B3GALT1: variants seen among roughly 807,000 people sequenced by gnomAD.
B3GALT1 encodes beta-1,3-galactosyltransferase 1.
In B3GALT1, 10 loss-of-function variants were observed where a neutral mutation model predicts 23.2. The observed-to-expected ratio is 0.43, with a 90% confidence interval of 0.27 to 0.73. The LOEUF is 0.73. B3GALT1 is among the 30% of genes least tolerant of loss of function. B3GALT1 has a pLI of 0.21. For synonymous variants in B3GALT1, 156 were observed against 141.5 expected (o/e 1.10, Z -0.73); for missense variants, 299 against 405.4 (o/e 0.74, Z 2.25).
chr2:167,386,755 T>C (rs762988502), intron 1 of B3GALT1, among the ~76,000 whole-genome samples: 3 of 152,212 alleles, frequency 2.0e-5, no homozygotes, highest in South Asian at 2.1e-4. Flanking sequence ...TTACATCTTA[T>C]TGTAAAGTAT....
intron 3 of B3GALT1, among the ~76,000 whole-genome samples, chr2:167,788,652 C>T: frequency 6.6e-6 from 1 of 152,028 alleles, no homozygotes; most frequent in South Asian, 2.1e-4. Context: ...TCACTCCTTG[C>T]CCACCACTCA....
chr2:167,708,921 T>C (rs12614397), intron 3 of B3GALT1, among the ~76,000 whole-genome samples: 1 of 150,826 alleles, frequency 6.6e-6, no homozygotes, highest in African/African-American at 2.5e-5. Flanking sequence ...AATATTACTG[T>C]CTATTTTGCT....
At chr2:167,666,820 C>T (rs1349600200) in intron 3 of B3GALT1, among the ~76,000 whole-genome samples, 1 of 152,118 alleles carries the variant, frequency 6.6e-6, no homozygotes, top group Admixed American at 6.5e-5. Flanking sequence ...TTCCTCCATC[C>T]TTTTATTTTG....
chr2:167,589,193 A>G (rs1684632567), intron 2 of B3GALT1, among the ~76,000 whole-genome samples: 1 of 151,970 alleles, frequency 6.6e-6, no homozygotes, highest in Non-Finnish European at 1.5e-5. Flanking sequence ...CAATCCTCCC[A>G]TTGCAGCCTC....
intron 3 of B3GALT1, among the ~76,000 whole-genome samples, chr2:167,756,581 C>G (rs919376315): frequency 2.0e-5 from 3 of 152,086 alleles, no homozygotes; most frequent in African/African-American, 7.2e-5. Flanking sequence ...CTGTAGCTAC[C>G]CGGGGAATGG....
At chr2:167,457,141 C>G (rs1008629838) in intron 1 of B3GALT1, among the ~76,000 whole-genome samples, 1 of 151,998 alleles carries the variant, frequency 6.6e-6, no homozygotes, top group African/African-American at 2.4e-5. Flanking sequence ...ATATAGGTTT[C>G]TTGTTTATCA....
At chr2:167,512,387 G>A (rs1486342530) in intron 2 of B3GALT1, among the ~76,000 whole-genome samples, 1 of 150,360 alleles carries the variant, frequency 6.7e-6, no homozygotes. Context: ...ATAATAAAAT[G>A]TATTGAATGA....
chr2:167,623,348 C>G (rs1376490039), intron 2 of B3GALT1, among the ~76,000 whole-genome samples: 1 of 151,974 alleles, frequency 6.6e-6, no homozygotes, highest in East Asian at 1.9e-4. Context: ...TGACTTAGAA[C>G]CAACCCAAAT....
At chr2:167,692,047 A>G (rs576606208) in intron 3 of B3GALT1, among the ~76,000 whole-genome samples, 1 of 152,178 alleles carries the variant, frequency 6.6e-6, no homozygotes, top group African/African-American at 2.4e-5. Context: ...AATAAAACCC[A>G]TTGCTGCTCA....
chr2:167,846,492 C>T (rs948738131), intron 4 of B3GALT1, among the ~76,000 whole-genome samples: 3 of 152,044 alleles, frequency 2.0e-5, no homozygotes, highest in East Asian at 3.9e-4. Flanking sequence ...TTGTATCTAG[C>T]GAAACTAAGC....
chr2:167,331,863 G>A (rs918071679), intron 1 of B3GALT1, among the ~76,000 whole-genome samples: 8 of 152,166 alleles, frequency 5.3e-5, no homozygotes, highest in African/African-American at 1.7e-4. Flanking sequence ...AGCCATAGGC[G>A]GGTGGCTTCC....
chr2:167,526,404 A>G (rs13383478), intron 2 of B3GALT1, among the ~76,000 whole-genome samples: 82,975 of 152,006 alleles, frequency 0.55, 25,377 homozygotes, highest in East Asian at 0.99. Context: ...ATTCAACCCC[A>G]CAACAAACAT....
At chr2:167,806,896 G>C (rs923591702) in intron 3 of B3GALT1, among the ~76,000 whole-genome samples, 26 of 152,198 alleles carry the variant, frequency 1.7e-4, no homozygotes, top group Non-Finnish European at 3.5e-4. Flanking sequence ...AATGGTACCA[G>C]CTCCTCCTTG....
chr2:167,696,663 A>T (rs1686796572), intron 3 of B3GALT1, among the ~76,000 whole-genome samples: 1 of 152,216 alleles, frequency 6.6e-6, no homozygotes. Context: ...TGGTCAAATT[A>T]TATCCGAACA....
At chr2:167,663,423 G>T (rs140911458) in intron 3 of B3GALT1, among the ~76,000 whole-genome samples, 11 of 151,418 alleles carry the variant, frequency 7.3e-5, no homozygotes, top group African/African-American at 2.7e-4. Context: ...ATAAACATAC[G>T]TGTGCATGTG....
At chr2:167,348,179 ATATTAT>A (rs1352112327) in intron 1 of B3GALT1, among the ~76,000 whole-genome samples, 3 of 152,170 alleles carry the variant, frequency 2.0e-5, no homozygotes, top group Admixed American at 6.5e-5. Flanking sequence ...AACCCTTAAA[ATATTAT>A]TATTAAAACA....
intron 2 of B3GALT1, among the ~76,000 whole-genome samples, chr2:167,510,996 GAAAGT>G (rs953088540): frequency 6.6e-6 from 1 of 152,092 alleles, no homozygotes; most frequent in African/African-American, 2.4e-5. Context: ...TAAAAAAAGA[GAAAGT>G]AAAATATTAA....
At chr2:167,778,870 G>A (rs1688204234) in intron 3 of B3GALT1, among the ~76,000 whole-genome samples, 2 of 152,070 alleles carry the variant, frequency 1.3e-5, no homozygotes, top group South Asian at 4.2e-4. Context: ...TGAGGGGAGG[G>A]GACCACACAG....
In B3GALT1 at chr2:167,512,648, A is replaced by G. The variant is rs201931781; in HGVS notation, c.-410+22371A>G. On this transcript the variant is annotated intron_variant, in intron 2 of 4. Coordinates refer to ENST00000392690, the MANE Select transcript of B3GALT1 (RefSeq NM_020981.4). The stretch of plus-strand genomic sequence containing the variant: ...TGTATATATATATACATATATATAT[A>G]TATTTTGAGATAGGGTCTCATTCAG... Among the ~76,000 whole-genome samples, 12 of 131,328 alleles carry G rather than the reference A, an allele frequency of 9.1e-5. 1 individual carries two copies. The highest frequency in any genetic ancestry group is 1.9e-4 in the Non-Finnish European group (12 of 62,500). 86.2% of individuals were successfully genotyped at this position (131,328 alleles called of 152,430 possible).
Sources: gnomAD v4.1 joint callset for allele counts (sites outside exome capture counted in the v4.1 genomes callset) on GRCh38, gnomAD v4.1.1 for gene constraint, MANE v1.5 for transcripts, NCBI Gene and HGNC (gene_info 2026-07-23, HGNC 2026-07-21) for gene names.